The following MACROD2 variants were observed in gnomAD, a reference collection of about 807,000 sequenced individuals.
The protein encoded by MACROD2 is ADP-ribose glycohydrolase MACROD2.
Under a neutral mutation model 70.4 loss-of-function variants are expected in MACROD2, and 36 were observed. The ratio of observed to expected loss-of-function variants is 0.51; its 90% CI spans 0.39 to 0.68. The LOEUF (loss-of-function observed/expected upper bound fraction) is 0.68, where lower values mean the gene tolerates loss of function less well. Ranked by LOEUF, MACROD2 falls within the 30% of genes least tolerant of loss-of-function variation. The pLI, the probability that MACROD2 is intolerant of heterozygous loss-of-function variation, is 0.00. For missense variants in MACROD2, 496 were observed against 538.4 expected (o/e 0.92, Z 0.78); for synonymous variants, 172 against 178.8 (o/e 0.96, Z 0.30).
intron 6 of MACROD2, among the ~76,000 whole-genome samples, chr20:15,282,394 A>C (rs1021137175): frequency 2.6e-5 from 4 of 152,190 alleles, no homozygotes; most frequent in Non-Finnish European, 4.4e-5. Context: ...CCCTGTAAAC[A>C]TAAGTTCCAA....
intron 8 of MACROD2, among the ~76,000 whole-genome samples, chr20:15,748,274 C>G (rs1001932842): frequency 6.6e-6 from 1 of 152,166 alleles, no homozygotes; most frequent in Non-Finnish European, 1.5e-5. Context: ...TAAATTCCAT[C>G]ACCAGTCCAG....
intron 4 of MACROD2, among the ~76,000 whole-genome samples, chr20:14,637,748 A>G (rs1046329125): frequency 6.6e-6 from 1 of 152,174 alleles, no homozygotes; most frequent in Non-Finnish European, 1.5e-5. Flanking sequence ...GCAGTTTTCC[A>G]ACAGTGTGAA....
chr20:15,757,031 CTTTG>C (rs1372140071), intron 8 of MACROD2, among the ~76,000 whole-genome samples: 2 of 152,158 alleles, frequency 1.3e-5, no homozygotes, highest in African/African-American at 4.8e-5. Context: ...TTTAAAAGCA[CTTTG>C]TTTGCATTGC....
chr20:14,082,081 T>C (rs539300052), intron 2 of MACROD2, among the ~76,000 whole-genome samples: 1 of 152,154 alleles, frequency 6.6e-6, no homozygotes, highest in African/African-American at 2.4e-5. Context: ...TTTTAAAAAT[T>C]TGCAGATGAC....
chr20:14,830,700 A>G (rs1031759756), intron 5 of MACROD2, among the ~76,000 whole-genome samples: 5 of 152,186 alleles, frequency 3.3e-5, no homozygotes, highest in Non-Finnish European at 7.4e-5. Context: ...TAGGCAGGGA[A>G]TTACTAGGCA....
intron 6 of MACROD2, among the ~76,000 whole-genome samples, chr20:15,385,462 T>C (rs894358244): frequency 7.9e-5 from 12 of 152,192 alleles, no homozygotes; most frequent in African/African-American, 2.7e-4. Flanking sequence ...GTGACATGAT[T>C]GCATCCAGTG....
intron 3 of MACROD2, among the ~76,000 whole-genome samples, chr20:14,209,255 CT>C (rs1338155375): frequency 6.6e-6 from 1 of 152,110 alleles, no homozygotes; most frequent in Non-Finnish European, 1.5e-5. Flanking sequence ...GGTTCATGTT[CT>C]TTTCCCTGCC....
intron 3 of MACROD2, among the ~76,000 whole-genome samples, chr20:14,241,485 A>G (rs2081929200): frequency 6.6e-6 from 1 of 152,150 alleles, no homozygotes; most frequent in Admixed American, 6.5e-5. Context: ...ACATGGAAAC[A>G]CGTACATTGT....
At chr20:15,908,674 T>C (rs1032147470) in intron 10 of MACROD2, among the ~76,000 whole-genome samples, 1 of 152,206 alleles carries the variant, frequency 6.6e-6, no homozygotes, top group Non-Finnish European at 1.5e-5. Context: ...TATTTCTTAC[T>C]CAGCAACAGT....
At chr20:15,021,178 A>G (rs1291069086) in intron 5 of MACROD2, among the ~76,000 whole-genome samples, 1 of 92,748 alleles carries the variant, frequency 1.1e-5, no homozygotes, top group African/African-American at 4.2e-5. Flanking sequence ...ATACACATAC[A>G]GGTGTGCGTA....
intron 5 of MACROD2, among the ~76,000 whole-genome samples, chr20:14,898,900 C>T (rs1265129748): frequency 2.0e-5 from 3 of 152,148 alleles, no homozygotes; most frequent in East Asian, 1.9e-4. Flanking sequence ...CCAAAGGCAA[C>T]GACCAGATGG....
chr20:15,277,153 G>T, intron 6 of MACROD2, among the ~76,000 whole-genome samples: 1 of 152,142 alleles, frequency 6.6e-6, no homozygotes, highest in East Asian at 1.9e-4. Flanking sequence ...ATCCCATCAT[G>T]GTTGCAAGAT....
intron 6 of MACROD2, among the ~76,000 whole-genome samples, chr20:15,319,567 G>A (rs559453931): frequency 3.9e-5 from 6 of 152,330 alleles, no homozygotes; most frequent in East Asian, 1.9e-4. Context: ...TACAGCCTCC[G>A]TAGGAAACAG....
intron 5 of MACROD2, among the ~76,000 whole-genome samples, chr20:15,040,575 C>A (rs1265541941): frequency 6.6e-6 from 1 of 152,048 alleles, no homozygotes; most frequent in Non-Finnish European, 1.5e-5. Flanking sequence ...TCAGGGGGGT[C>A]TTTATCTCAT....
intron 7 of MACROD2, among the ~76,000 whole-genome samples, chr20:15,435,098 C>T (rs1478986825): frequency 2.6e-5 from 4 of 152,094 alleles, no homozygotes; most frequent in Admixed American, 2.0e-4. Context: ...ACAGGTACGC[C>T]AATATCTCAG....
chr20:14,466,758 G>T (rs1432450421), intron 3 of MACROD2, among the ~76,000 whole-genome samples: 2 of 152,006 alleles, frequency 1.3e-5, no homozygotes, highest in Admixed American at 6.6e-5. Context: ...TAACAGTCAG[G>T]ACCCTCAGCT....
Position 15,868,836 on chromosome 20 carries a change from G to A in MACROD2, c.727+6010G>A, listed in dbSNP as rs112893490. Among the ~76,000 whole-genome samples the A allele has an allele frequency of 2.5e-3, 379 of 152,068 alleles. 2 individuals carry two copies. The highest frequency in any genetic ancestry group is 8.5e-3 in the African/African-American group (354 of 41,518). ...GTCATCTAGACTGGAGCGCAGTAAC[G>A]CAATCATACTGATCATAACTCACTG... On this transcript the variant is annotated intron_variant, in intron 9 of 17. Coordinates refer to ENST00000684519, the MANE Select transcript of MACROD2 (RefSeq NM_001351661.2).
intron 3 of MACROD2, among the ~76,000 whole-genome samples, chr20:14,366,507 C>T (rs1430112840): frequency 6.6e-6 from 1 of 151,936 alleles, no homozygotes; most frequent in Non-Finnish European, 1.5e-5. Context: ...GCTGGGACTA[C>T]AGGCACGCAC....
At chr20:15,428,150 A>G (rs1302587079) in intron 6 of MACROD2, among the ~76,000 whole-genome samples, 2 of 152,160 alleles carry the variant, frequency 1.3e-5, no homozygotes, top group Non-Finnish European at 2.9e-5. Context: ...CATGTTCTTT[A>G]TTTCTCTTAC....
Sources: allele counts gnomAD v4.1 joint callset (sites outside exome capture counted in the v4.1 genomes callset), GRCh38; gene constraint gnomAD v4.1.1; transcripts MANE v1.5; gene names NCBI Gene and HGNC (gene_info 2026-07-23, HGNC 2026-07-21).